Variants in ATF2 observed in about 807,000 individuals in gnomAD.
ATF2 encodes activating transcription factor 2, also known as cyclic AMP-dependent transcription factor ATF-2.
A neutral mutation model predicts 60.6 loss-of-function variants in ATF2; 24 were observed. The observed-to-expected ratio is 0.40, with a 90% CI of 0.29 to 0.56. The LOEUF (loss-of-function observed/expected upper bound fraction) is 0.56. Ranked by LOEUF, ATF2 falls within the 20% of genes least tolerant of loss-of-function variation. The pLI is 0.54. For synonymous variants in ATF2, 206 were observed against 215.4 expected, an observed-to-expected ratio of 0.96 and a Z score of 0.38; for missense variants, 433 against 607.7, an observed-to-expected ratio of 0.71 and a Z score of 3.02.
At chr2:175,136,322 CAAAT>C (rs758348405) in intron 3 of ATF2, 86 bp downstream of exon 3, 26 of 1,250,832 alleles carry the variant, frequency 2.1e-5, no homozygotes, top group Admixed American at 3.8e-5. Context: ...AAAAACACCA[CAAAT>C]ACTTACCTAA....
chr2:175,091,507 T>TA (rs533335981), intron 12 of ATF2, among the ~76,000 whole-genome samples: 2,477 of 151,264 alleles, frequency 0.016, 21 homozygotes, highest in Non-Finnish European at 0.025. Context: ...TCTGTACTAT[T>TA]AAAAAAAAAG....
rs1161876770 is a variant in ATF2 at position 175,072,542 on chromosome 2, G to T, written c.*2067C>A. The stretch of plus-strand genomic sequence containing the variant: ...ATCTATGTAGTTTTATTTTACAGTT[G>T]CAAGAATTCTGTTACCAAAGAACCT... On this transcript the variant is annotated 3_prime_UTR_variant, in exon 14 of 14. Coordinates refer to ENST00000264110, the MANE Select transcript of ATF2 (RefSeq NM_001880.4). 6.6e-6 allele frequency: 1 copy of T among 152,058 alleles called. No homozygotes were observed. The highest frequency in any genetic ancestry group is 2.4e-5 in the African/African-American group (1 of 41,412). The allele number at this position is 152,058 out of a possible 1,614,324, so 9.4% of individuals were successfully genotyped here.
At chr2:175,154,340 A>G (rs2105822005) in intron 1 of ATF2, among the ~76,000 whole-genome samples, 1 of 152,050 alleles carries the variant, frequency 6.6e-6, no homozygotes, top group Non-Finnish European at 1.5e-5. Flanking sequence ...CATCAGTGTC[A>G]CTGTCTTCCA....
At chr2:175,113,237 C>A (rs1426039182) in intron 9 of ATF2, among the ~76,000 whole-genome samples, 3 of 150,520 alleles carry the variant, frequency 2.0e-5, no homozygotes, top group Admixed American at 2.0e-4. Flanking sequence ...TTATTCCAAA[C>A]AATGTGTTTT....
intron 12 of ATF2, among the ~76,000 whole-genome samples, chr2:175,084,894 G>C (rs1307832622): frequency 3.9e-5 from 6 of 152,118 alleles, no homozygotes; most frequent in Non-Finnish European, 2.9e-5. Context: ...GGACTGAGTA[G>C]ACAGACATAT....
chr2:175,114,474 C>G, intron 8 of ATF2: 1 of 1,263,832 alleles, frequency 7.9e-7, no homozygotes. Flanking sequence ...ATCTTAAATT[C>G]ACATTCTATA....
intron 10 of ATF2, among the ~76,000 whole-genome samples, chr2:175,099,745 T>C (rs905345408): frequency 7.9e-5 from 12 of 152,246 alleles, no homozygotes; most frequent in Admixed American, 2.0e-4. Flanking sequence ...CAGATATCAT[T>C]TGCTCAAGGA....
rs1693103769 is a variant in ATF2, at chr2:175,073,863, C to T, written c.*746G>A. On this transcript the variant is annotated 3_prime_UTR_variant, in exon 14 of 14. Transcript: ENST00000264110. ...CATTATATAATTTCATATTTTTAGC[C>T]TCAAAACATAGGTGTAAAATATTGA... 6.6e-6 allele frequency: 1 copy of T among 151,838 alleles called. No individual in the cohort carries two copies. The highest frequency in any genetic ancestry group is 1.5e-5 in the Non-Finnish European group (1 of 67,982). The allele number at this position is 151,838 out of a possible 1,614,324, so 9.4% of individuals were successfully genotyped here.
chr2:175,094,786 A>T (rs544816727), intron 11 of ATF2, among the ~76,000 whole-genome samples: 19 of 152,256 alleles, frequency 1.2e-4, no homozygotes, highest in Non-Finnish European at 2.2e-4. Context: ...CAAATAATTT[A>T]AAAAATTAGC....
intron 3 of ATF2, among the ~76,000 whole-genome samples, chr2:175,131,381 A>G (rs930361674): frequency 6.6e-6 from 1 of 152,232 alleles, no homozygotes; most frequent in Non-Finnish European, 1.5e-5. Flanking sequence ...CAGAGAAATG[A>G]GGTCAAAGGG....
chr2:175,140,999 GAAAAAAAAAAAAAAAAAAA>G (rs869208203), intron 2 of ATF2, among the ~76,000 whole-genome samples: 18 of 26,764 alleles, frequency 6.7e-4, no homozygotes, highest in Admixed American at 7.4e-4. Context: ...CCTATCTCAG[GAAAAAAAAAAAAAAAAAAA>G]AAAAAAAAAA....
chr2:175,105,908 A>G (rs1695625152), intron 10 of ATF2, among the ~76,000 whole-genome samples: 1 of 152,214 alleles, frequency 6.6e-6, no homozygotes, highest in African/African-American at 2.4e-5. Context: ...AGGTCAAAGA[A>G]GAAATCACAG....
chr2:175,144,102 A>AT (rs138034825), intron 2 of ATF2, among the ~76,000 whole-genome samples: 1 of 151,998 alleles, frequency 6.6e-6, no homozygotes, highest in African/African-American at 2.4e-5. Context: ...TTCTTTGCCC[A>AT]TTTTTTTTAA....
At chr2:175,088,107 T>G (rs1351780491) in intron 12 of ATF2, among the ~76,000 whole-genome samples, 1 of 152,212 alleles carries the variant, frequency 6.6e-6, no homozygotes, top group Non-Finnish European at 1.5e-5. Flanking sequence ...ATAGTACTTA[T>G]TCTATCAGTT....
intron 12 of ATF2, among the ~76,000 whole-genome samples, chr2:175,091,247 A>C (rs777222420): frequency 6.6e-6 from 1 of 152,174 alleles, no homozygotes; most frequent in African/African-American, 2.4e-5. Flanking sequence ...TTATGTAACA[A>C]TACAGAGAAG....
At chr2:175,160,207 A>G (rs1699930239) in intron 1 of ATF2, among the ~76,000 whole-genome samples, 2 of 152,170 alleles carry the variant, frequency 1.3e-5, no homozygotes. Context: ...TAACATAGTG[A>G]GACTCCATCT....
rs186707728 is a variant in ATF2, at chr2:175,142,834, G to T, written c.-43-6348C>A. Among the ~76,000 whole-genome samples the T allele has an allele frequency of 1.9e-3, 287 of 149,804 alleles. 1 individual carries two copies. Among genetic ancestry groups the T allele is most frequent in the African/African-American group, 7.0e-3 (279 of 39,834 alleles). Reference sequence around the variant, plus strand: ...AGCAACAGCGAGCGAGCAAGAGAGAGAGTGTGTGTGTGTGTCTGTGTGTGT... The same window carrying T: ...AGCAACAGCGAGCGAGCAAGAGAGATAGTGTGTGTGTGTGTCTGTGTGTGT... On this transcript the variant is annotated intron_variant, in intron 2 of 13. Coordinates refer to ENST00000264110, the MANE Select transcript of ATF2 (RefSeq NM_001880.4).
chr2:175,161,894 G>A (rs1289250436), intron 1 of ATF2, among the ~76,000 whole-genome samples: 1 of 151,956 alleles, frequency 6.6e-6, no homozygotes, highest in African/African-American at 2.4e-5. Context: ...CCGAGTAGCT[G>A]AGATTACAGG....
chr2:175,155,549 A>T (rs985521368), intron 1 of ATF2, among the ~76,000 whole-genome samples: 1 of 152,246 alleles, frequency 6.6e-6, no homozygotes, highest in Non-Finnish European at 1.5e-5. Context: ...CCATACAAAA[A>T]TGCATTGTCC....
Sources: allele counts gnomAD v4.1 joint callset (sites outside exome capture counted in the v4.1 genomes callset), GRCh38; gene constraint gnomAD v4.1.1; transcripts MANE v1.5; gene names NCBI Gene and HGNC (gene_info 2026-07-23, HGNC 2026-07-21).